The following KHDRBS2 variants were observed in gnomAD, a reference collection of about 807,000 sequenced individuals.
KHDRBS2 encodes KH domain-containing, RNA-binding, signal transduction-associated protein 2.
Under a neutral mutation model 44.3 loss-of-function variants are expected in KHDRBS2, and 26 were observed. The ratio of observed to expected loss-of-function variants is 0.59; its 90% CI spans 0.43 to 0.81. The LOEUF is 0.81. Among genes scored for constraint, KHDRBS2 ranks in the 40% least tolerant of loss-of-function variants. The probability of loss-of-function intolerance (pLI) is 0.00; values close to 1 mark genes in which losing one functional copy is unlikely to be tolerated. For synonymous variants in KHDRBS2, 194 were observed against 151.1 expected, an observed-to-expected ratio of 1.28 and a Z score of -2.08; for missense variants, 476 against 433.1, an observed-to-expected ratio of 1.10 and a Z score of -0.88.
chr6:61,917,155 G>T (rs1461879720), intron 4 of KHDRBS2, among the ~76,000 whole-genome samples: 3 of 151,582 alleles, frequency 2.0e-5, no homozygotes, highest in Non-Finnish European at 4.4e-5. Context: ...ATGTCTATAG[G>T]CAGCCTGATT....
intron 2 of KHDRBS2, among the ~76,000 whole-genome samples, chr6:62,089,837 T>C (rs1799163608): frequency 6.6e-6 from 1 of 152,198 alleles, no homozygotes; most frequent in African/African-American, 2.4e-5. Context: ...AGACTATTGT[T>C]TGTGTAATGT....
At chr6:62,124,457 T>C (rs1808464859) in intron 2 of KHDRBS2, among the ~76,000 whole-genome samples, 2 of 152,162 alleles carry the variant, frequency 1.3e-5, no homozygotes, top group Admixed American at 6.5e-5. Context: ...GCAGAGATTC[T>C]TATCATGCAA....
rs190118676 is a variant in KHDRBS2, at chr6:61,943,214, G to A, written c.483+34852C>T. ...ATTAATGAGAAATAATCTTTCCCAG[G>A]GAATTCTTCATCATAAAGCAGACCT... On this transcript the variant is annotated intron_variant, in intron 4 of 8. Transcript: ENST00000281156. 4.0e-5 allele frequency among the ~76,000 whole-genome samples: 6 copies of A among 151,802 alleles called. No homozygotes were observed. In the East Asian group the frequency reaches 1.2e-3, roughly 29 times the overall value.
the KHDRBS2 span, among the ~76,000 whole-genome samples, chr6:61,581,184 C>G: frequency 3.4e-4 from 51 of 152,214 alleles, no homozygotes; most frequent in African/African-American, 1.2e-3. Flanking sequence ...TTTTGCCATG[C>G]AAATGTGCCA....
chr6:61,997,258 G>A (rs1004612928), intron 3 of KHDRBS2, among the ~76,000 whole-genome samples: 1 of 152,130 alleles, frequency 6.6e-6, no homozygotes. Context: ...TTTTGTCACA[G>A]GAAAGAGAAA....
intron 3 of KHDRBS2, 86 bp downstream of exon 3, chr6:62,047,792 G>A: frequency 1.3e-6 from 1 of 779,922 alleles, no homozygotes; most frequent in Non-Finnish European, 2.3e-6. Flanking sequence ...TGGTGAAAGA[G>A]CAGTTCAGGC....
intron 6 of KHDRBS2, among the ~76,000 whole-genome samples, chr6:61,771,000 C>G (rs1373588963): frequency 6.6e-6 from 1 of 152,190 alleles, no homozygotes; most frequent in Non-Finnish European, 1.5e-5. Flanking sequence ...GGCAGAAACT[C>G]TACAAGCCAG....
intron 6 of KHDRBS2, among the ~76,000 whole-genome samples, chr6:61,770,837 G>A (rs1440013975): frequency 4.6e-5 from 7 of 152,062 alleles, no homozygotes; most frequent in East Asian, 3.9e-4. Flanking sequence ...TACAGAGAAC[G>A]CCACAAAGAT....
intron 1 of KHDRBS2, among the ~76,000 whole-genome samples, chr6:62,202,526 C>G (rs1361360610): frequency 6.6e-6 from 1 of 151,672 alleles, no homozygotes; most frequent in Non-Finnish European, 1.5e-5. Context: ...TTTCTCCCTA[C>G]TGACTAGCTG....
At chr6:61,887,050 G>C (rs1380878310) in intron 6 of KHDRBS2, among the ~76,000 whole-genome samples, 3 of 152,120 alleles carry the variant, frequency 2.0e-5, no homozygotes, top group Non-Finnish European at 4.4e-5. Flanking sequence ...TGTGAGATAA[G>C]TACTCTACAG....
chr6:61,805,608 A>G (rs1461593352), intron 6 of KHDRBS2, among the ~76,000 whole-genome samples: 1 of 152,192 alleles, frequency 6.6e-6, no homozygotes, highest in Non-Finnish European at 1.5e-5. Flanking sequence ...TAATTGACTC[A>G]CAGTTCTGCA....
chr6:61,692,845 G>A (rs1767516391), intron 8 of KHDRBS2, among the ~76,000 whole-genome samples: 1 of 151,994 alleles, frequency 6.6e-6, no homozygotes, highest in Non-Finnish European at 1.5e-5. Flanking sequence ...AATGTGAGCT[G>A]CAGAGGAAGG....
chr6:62,067,254 TTAA>T (rs1425579181), intron 2 of KHDRBS2, among the ~76,000 whole-genome samples: 1 of 151,574 alleles, frequency 6.6e-6, no homozygotes, highest in Non-Finnish European at 1.5e-5. Flanking sequence ...TTAATACCCA[TTAA>T]GTTTTTCTTA....
At chr6:62,176,145 C>G (rs1256555037) in intron 2 of KHDRBS2, among the ~76,000 whole-genome samples, 2 of 151,282 alleles carry the variant, frequency 1.3e-5, no homozygotes, top group African/African-American at 4.8e-5. Flanking sequence ...TTTTCATGTA[C>G]ATTTCTAAGA....
chr6:61,610,419 C>CT, the KHDRBS2 span, among the ~76,000 whole-genome samples: 3 of 152,058 alleles, frequency 2.0e-5, no homozygotes, highest in Non-Finnish European at 1.5e-5. Flanking sequence ...TATAATCTCA[C>CT]TTTTTTTGGG....
At chr6:62,269,189 G>C (rs1465522925) in intron 1 of KHDRBS2, among the ~76,000 whole-genome samples, 1 of 151,934 alleles carries the variant, frequency 6.6e-6, no homozygotes, top group African/African-American at 2.4e-5. Flanking sequence ...CCTTGATATA[G>C]GCAAAGATTT....
chr6:61,996,529 C>T (rs1209812568), intron 3 of KHDRBS2, among the ~76,000 whole-genome samples: 1 of 151,996 alleles, frequency 6.6e-6, no homozygotes, highest in African/African-American at 2.4e-5. Flanking sequence ...TGGGTATTCA[C>T]TTTGCATTTT....
chr6:61,993,920 C>T (rs1448537423), intron 3 of KHDRBS2, among the ~76,000 whole-genome samples: 1 of 151,846 alleles, frequency 6.6e-6, no homozygotes, highest in East Asian at 1.9e-4. Context: ...TTGATTGACT[C>T]AAATATTCAG....
At chr6:61,987,478 A>G (rs1583985071) in intron 3 of KHDRBS2, among the ~76,000 whole-genome samples, 1 of 152,186 alleles carries the variant, frequency 6.6e-6, no homozygotes, top group Non-Finnish European at 1.5e-5. Flanking sequence ...ATAATTTACT[A>G]AAGTGCTTTT....
Sources: gnomAD v4.1 joint callset for allele counts (sites outside exome capture counted in the v4.1 genomes callset) on GRCh38, gnomAD v4.1.1 for gene constraint, MANE v1.5 for transcripts, NCBI Gene and HGNC (gene_info 2026-07-23, HGNC 2026-07-21) for gene names.